Variants in CPVL observed in about 807,000 individuals in gnomAD.
CPVL encodes probable serine carboxypeptidase CPVL.
CPVL carries 51 observed loss-of-function variants against 63.7 expected under a neutral mutation model. The observed-to-expected ratio is 0.80, with a 90% CI of 0.64 to 1.01. The LOEUF (loss-of-function observed/expected upper bound fraction) is 1.01, where lower values mean the gene tolerates loss of function less well. CPVL is among the 50% of genes least tolerant of loss of function. The pLI is 0.00. For missense variants in CPVL, 530 were observed against 573.1 expected, an observed-to-expected ratio of 0.92 and a Z score of 0.77; for synonymous variants, 195 against 206.0, an observed-to-expected ratio of 0.95 and a Z score of 0.46.
chr7:29,176,839 C>T (rs896855135), intron 5 of CPVL, among the ~76,000 whole-genome samples: 3 of 152,260 alleles, frequency 2.0e-5, no homozygotes, highest in East Asian at 1.9e-4. Flanking sequence ...GGGAAAGCAA[C>T]CTCTTGCTCT....
chr7:29,009,573 C>T (rs899327063), intron 12 of CPVL: 9 of 152,124 alleles, frequency 5.9e-5, no homozygotes, highest in Admixed American at 5.2e-4. Context: ...GAATAAGACA[C>T]AATTGAGCAT....
At chr7:29,186,241 TTA>T (rs1204042133) in intron 2 of CPVL, among the ~76,000 whole-genome samples, 3 of 150,202 alleles carry the variant, frequency 2.0e-5, no homozygotes, top group Non-Finnish European at 4.4e-5. Context: ...GCCCCAAAGT[TTA>T]TGTTTTAGGC....
intron 5 of CPVL, among the ~76,000 whole-genome samples, chr7:29,165,268 A>G (rs1469934798): frequency 6.6e-6 from 1 of 152,184 alleles, no homozygotes; most frequent in Admixed American, 6.5e-5. Context: ...CTTCAAACCA[A>G]TACTTAAGTT....
chr7:29,136,032 G>A (rs1791186671), intron 1 of CPVL, among the ~76,000 whole-genome samples: 1 of 152,194 alleles, frequency 6.6e-6, no homozygotes, highest in African/African-American at 2.4e-5. Flanking sequence ...AGACATGGGA[G>A]CCCACTAACA....
At chr7:29,113,416 G>C (rs1584298870) in intron 2 of CPVL, among the ~76,000 whole-genome samples, 1 of 152,260 alleles carries the variant, frequency 6.6e-6, no homozygotes, top group East Asian at 1.9e-4. Context: ...GTGACCTCAT[G>C]GCTACTCAGG....
chr7:29,107,341 C>T (rs1258980914), intron 3 of CPVL, among the ~76,000 whole-genome samples: 1 of 152,222 alleles, frequency 6.6e-6, no homozygotes, highest in Non-Finnish European at 1.5e-5. Context: ...GCCACACGTT[C>T]AAGGGCTCCT....
intron 2 of CPVL, among the ~76,000 whole-genome samples, chr7:29,116,500 T>A (rs1584307530): frequency 6.6e-6 from 1 of 152,194 alleles, no homozygotes; most frequent in East Asian, 1.9e-4. Context: ...TTGAAGTGAT[T>A]TTACTTCCTC....
intron 12 of CPVL, among the ~76,000 whole-genome samples, chr7:29,022,248 G>A (rs1016088298): frequency 3.3e-5 from 5 of 152,072 alleles, no homozygotes; most frequent in Non-Finnish European, 7.4e-5. Flanking sequence ...AGATCAACCC[G>A]GTCTGCTTGC....
At chr7:29,095,779 C>A (rs1786344754) in intron 4 of CPVL, among the ~76,000 whole-genome samples, 1 of 152,042 alleles carries the variant, frequency 6.6e-6, no homozygotes, top group Non-Finnish European at 1.5e-5. Flanking sequence ...TATAATTCCA[C>A]CCATTAGTCC....
At position 29,085,444 on chromosome 7, in the gene CPVL, A is replaced by C. The variant is rs1785109106; in HGVS notation, c.609+1040T>G. ...ATCCACAGTACTATTTTTAAATGTAAGTAATAGGAGGAAAAGGGAAAAATC... is the reference window on the plus strand; with the variant it reads ...ATCCACAGTACTATTTTTAAATGTACGTAATAGGAGGAAAAGGGAAAAATC... On this transcript the variant is annotated intron_variant, in intron 7 of 12. Coordinates refer to ENST00000265394, the MANE Select transcript of CPVL (RefSeq NM_031311.5). 2.6e-5 allele frequency among the ~76,000 whole-genome samples: 4 copies of C among 152,348 alleles called. No homozygotes were observed. The South Asian group carries it at 8.3e-4, about 32-fold the overall frequency.
chr7:29,023,252 G>A (rs193091521), intron 12 of CPVL, among the ~76,000 whole-genome samples: 7 of 152,306 alleles, frequency 4.6e-5, no homozygotes, highest in East Asian at 1.9e-4. Flanking sequence ...GAGGTTTAAT[G>A]GGCTCACAGT....
chr7:29,162,072 G>A (rs1795244129), intron 5 of CPVL, among the ~76,000 whole-genome samples: 1 of 152,130 alleles, frequency 6.6e-6, no homozygotes, highest in South Asian at 2.1e-4. Context: ...GACATCGCTG[G>A]TGGCAATGTT....
chr7:29,137,770 G>A (rs752042980), intron 1 of CPVL, among the ~76,000 whole-genome samples: 1 of 152,144 alleles, frequency 6.6e-6, no homozygotes, highest in South Asian at 2.1e-4. Context: ...TCACTATTTT[G>A]GGAGGTCATA....
intron 6 of CPVL, among the ~76,000 whole-genome samples, chr7:29,087,934 G>A (rs1785377893): frequency 6.6e-6 from 1 of 152,204 alleles, no homozygotes; most frequent in Non-Finnish European, 1.5e-5. Context: ...TAGCTTCTAT[G>A]TTTGTGCTGG....
At chr7:29,012,414 TA>T (rs1785945655) in intron 12 of CPVL, 1 of 152,206 alleles carries the variant, frequency 6.6e-6, no homozygotes, top group Non-Finnish European at 1.5e-5. Context: ...AAAAGGAAAC[TA>T]ATGCTTTTAA....
rs779839261 is a variant in CPVL at position 29,092,615 on chromosome 7, C to T, written c.542+8G>A. Reference sequence around the variant, plus strand: ...TAGGAAAGCCAAGAGAAAGCAGGAGCATTTTACCTGTATAAATCCCGTGCT... The same window carrying T: ...TAGGAAAGCCAAGAGAAAGCAGGAGTATTTTACCTGTATAAATCCCGTGCT... On this transcript the variant is annotated splice_region_variant and intron_variant, in intron 6 of 12. Coordinates refer to ENST00000265394, the MANE Select transcript of CPVL (RefSeq NM_031311.5). 1.2e-6 allele frequency: 2 copies of T among 1,601,162 alleles called. No homozygotes were observed. The highest frequency in any genetic ancestry group is 4.5e-5 in the East Asian group (2 of 44,816).
At chr7:29,079,933 C>CAG (rs1784541124) in intron 7 of CPVL, among the ~76,000 whole-genome samples, 1 of 152,074 alleles carries the variant, frequency 6.6e-6, no homozygotes, top group Non-Finnish European at 1.5e-5. Context: ...GACAACAAGT[C>CAG]AGAATGGGGG....
At chr7:29,135,040 GCTCCAGT>G (rs1321785965) in intron 1 of CPVL, among the ~76,000 whole-genome samples, 1 of 149,672 alleles carries the variant, frequency 6.7e-6, no homozygotes, top group Non-Finnish European at 1.5e-5. Flanking sequence ...GGAGGTCAAG[GCTCCAGT>G]GAGCCATGAT....
At chr7:29,097,594 G>A (rs1786571391) in intron 3 of CPVL, among the ~76,000 whole-genome samples, 2 of 152,206 alleles carry the variant, frequency 1.3e-5, no homozygotes, top group Admixed American at 6.5e-5. Flanking sequence ...TACTTGGGAG[G>A]CTGAGGCAGA....
Sources: gnomAD v4.1 joint callset for allele counts (sites outside exome capture counted in the v4.1 genomes callset) on GRCh38, gnomAD v4.1.1 for gene constraint, MANE v1.5 for transcripts, NCBI Gene and HGNC (gene_info 2026-07-23, HGNC 2026-07-21) for gene names.